The following LRRC4C variants were observed in gnomAD, a reference collection of about 807,000 sequenced individuals.
LRRC4C encodes the protein leucine rich repeat containing 4C, also known as leucine-rich repeat-containing protein 4C.
Under a neutral mutation model 33.6 loss-of-function variants are expected in LRRC4C, and 5 were observed. The ratio of observed to expected loss-of-function variants is 0.15; its 90% CI spans 0.08 to 0.31. The LOEUF (loss-of-function observed/expected upper bound fraction) is 0.31. Among genes scored for constraint, LRRC4C ranks in the 10% least tolerant of loss-of-function variants. LRRC4C has a pLI of 1.00. For missense variants in LRRC4C, 560 were observed against 796.7 expected, an observed-to-expected ratio of 0.70 and a Z score of 3.58; for synonymous variants, 329 against 302.0, an observed-to-expected ratio of 1.09 and a Z score of -0.93.
chr11:40,828,838 T>C, intron 2 of LRRC4C, among the ~76,000 whole-genome samples: 1 of 151,902 alleles, frequency 6.6e-6, no homozygotes, highest in East Asian at 1.9e-4. Context: ...TTCCATTCTA[T>C]TTCCTAAGGC....
intron 1 of LRRC4C, among the ~76,000 whole-genome samples, chr11:40,971,409 G>A (rs1232831232): frequency 1.3e-5 from 2 of 152,170 alleles, no homozygotes; most frequent in African/African-American, 4.8e-5. Context: ...AGTCTGTTTG[G>A]CTTCCACGTG....
At chr11:41,018,036 C>G (rs1855712968) in intron 1 of LRRC4C, among the ~76,000 whole-genome samples, 1 of 149,906 alleles carries the variant, frequency 6.7e-6, no homozygotes, top group Non-Finnish European at 1.5e-5. Context: ...ATTATTTCTA[C>G]AATGTTTTCT....
At chr11:40,574,119 A>G (rs1958088052) in intron 3 of LRRC4C, among the ~76,000 whole-genome samples, 1 of 152,190 alleles carries the variant, frequency 6.6e-6, no homozygotes, top group South Asian at 2.1e-4. Flanking sequence ...AATGTGTTGG[A>G]AAAAAACTCT....
intron 1 of LRRC4C, among the ~76,000 whole-genome samples, chr11:40,965,161 A>T (rs180701150): frequency 0.021 from 3,219 of 152,236 alleles, 119 homozygotes; most frequent in African/African-American, 0.068. Flanking sequence ...GGCTGCATAA[A>T]TGTCTTCTTT....
intron 2 of LRRC4C, among the ~76,000 whole-genome samples, chr11:40,739,900 A>G (rs1948079003): frequency 6.6e-6 from 1 of 151,880 alleles, no homozygotes; most frequent in Non-Finnish European, 1.5e-5. Flanking sequence ...ATATGTATGT[A>G]TGTATGTATG....
intron 3 of LRRC4C, among the ~76,000 whole-genome samples, chr11:40,439,097 A>ATTTTTTTTTTTTT (rs200541047): frequency 7.4e-6 from 1 of 134,738 alleles, no homozygotes; most frequent in African/African-American, 2.8e-5. Flanking sequence ...CCCCCAGCTA[A>ATTTTTTTTTTTTT]TTTTTTTTTT....
chr11:41,265,017 T>A (rs1949102655), intron 1 of LRRC4C, among the ~76,000 whole-genome samples: 1 of 152,068 alleles, frequency 6.6e-6, no homozygotes, highest in African/African-American at 2.4e-5. Flanking sequence ...ATTGTGAGGG[T>A]AAGGACTCTG....
intron 2 of LRRC4C, among the ~76,000 whole-genome samples, chr11:40,904,097 C>G (rs1300108612): frequency 6.6e-6 from 1 of 152,130 alleles, no homozygotes; most frequent in Non-Finnish European, 1.5e-5. Flanking sequence ...TGAGGAGTTA[C>G]TTCTGAGGGA....
intron 2 of LRRC4C, among the ~76,000 whole-genome samples, chr11:40,906,797 ATG>A (rs1956439668): frequency 6.6e-6 from 1 of 151,992 alleles, no homozygotes; most frequent in Non-Finnish European, 1.5e-5. Flanking sequence ...GTATATTTTT[ATG>A]TGTTTATGTG....
At chr11:40,359,255 A>G (rs1947834696) in intron 3 of LRRC4C, among the ~76,000 whole-genome samples, 1 of 152,210 alleles carries the variant, frequency 6.6e-6, no homozygotes, top group African/African-American at 2.4e-5. Flanking sequence ...GAATTAGGCA[A>G]GCCAAACATC....
chr11:40,302,477 T>TA (rs1944821149), intron 4 of LRRC4C, among the ~76,000 whole-genome samples: 1 of 152,164 alleles, frequency 6.6e-6, no homozygotes, highest in African/African-American at 2.4e-5. Flanking sequence ...TAAAGAATGG[T>TA]AAAATTACGA....
In LRRC4C at chr11:41,286,770, G is replaced by T. The variant is rs551232711; in HGVS notation, c.-496+172661C>A. Among the ~76,000 whole-genome samples the T allele has an allele frequency of 2.8e-3, 428 of 152,178 alleles. 2 individuals carry two copies. Among genetic ancestry groups the T allele is most frequent in the Non-Finnish European group, 4.6e-3 (315 of 67,996 alleles). Reference sequence around the variant, plus strand: ...ACAGGCTAATAATTATGAAAGAGGAGGGGGAGGAGAGGGAGGAAGCAGAAG... The same window carrying T: ...ACAGGCTAATAATTATGAAAGAGGATGGGGAGGAGAGGGAGGAAGCAGAAG... On this transcript the variant is annotated intron_variant, in intron 1 of 6. Coordinates refer to ENST00000528697, the MANE Select transcript of LRRC4C (RefSeq NM_001258419.2).
chr11:40,919,464 C>A (rs1255511240), intron 2 of LRRC4C, among the ~76,000 whole-genome samples: 1 of 152,120 alleles, frequency 6.6e-6, no homozygotes, highest in Non-Finnish European at 1.5e-5. Context: ...CTTTAAACGT[C>A]AGCCCCTCTG....
At chr11:40,787,090 G>A (rs1028325143) in intron 2 of LRRC4C, among the ~76,000 whole-genome samples, 1 of 152,156 alleles carries the variant, frequency 6.6e-6, no homozygotes, top group African/African-American at 2.4e-5. Flanking sequence ...GAGCCACATA[G>A]TAGTTCTCCC....
At chr11:40,995,014 C>G (rs61887616) in intron 1 of LRRC4C, among the ~76,000 whole-genome samples, 3,350 of 152,216 alleles carry the variant, frequency 0.022, 37 homozygotes, top group Middle Eastern at 0.044. Context: ...AGGACTGATA[C>G]AGAATATACC....
intron 1 of LRRC4C, among the ~76,000 whole-genome samples, chr11:41,448,987 A>T (rs1387631508): frequency 6.6e-6 from 1 of 152,240 alleles, no homozygotes; most frequent in African/African-American, 2.4e-5. Context: ...GAGAAATGAG[A>T]TAGTTGTCAA....
chr11:41,279,413 CACACACACACA>C (rs1591141166), intron 1 of LRRC4C, among the ~76,000 whole-genome samples: 1 of 148,826 alleles, frequency 6.7e-6, no homozygotes, highest in East Asian at 2.1e-4. Context: ...CACACACACA[CACACACACACA>C]CACACCGTGG....
intron 1 of LRRC4C, among the ~76,000 whole-genome samples, chr11:41,169,488 G>T (rs903856148): frequency 1.3e-5 from 2 of 152,036 alleles, no homozygotes; most frequent in Non-Finnish European, 2.9e-5. Flanking sequence ...AACTATGCTG[G>T]ATGGGAACAC....
chr11:41,168,786 T>G (rs886597119), intron 1 of LRRC4C, among the ~76,000 whole-genome samples: 1 of 152,064 alleles, frequency 6.6e-6, no homozygotes, highest in African/African-American at 2.4e-5. Flanking sequence ...AGAAGTACTC[T>G]TCAGCGGTTG....
Sources: allele counts gnomAD v4.1 joint callset (sites outside exome capture counted in the v4.1 genomes callset), GRCh38; gene constraint gnomAD v4.1.1; transcripts MANE v1.5; gene names NCBI Gene and HGNC (gene_info 2026-07-23, HGNC 2026-07-21).